Variants in CRADD observed in about 807,000 individuals in gnomAD.
CRADD encodes the protein death domain-containing protein CRADD.
CRADD carries 9 observed loss-of-function variants against 15.5 expected under a neutral mutation model. The observed-to-expected ratio is 0.58, with a 90% CI of 0.35 to 1.01. The LOEUF (loss-of-function observed/expected upper bound fraction) is 1.01. Ranked by LOEUF, CRADD falls within the 50% of genes least tolerant of loss-of-function variation. CRADD has a pLI of 0.02. For synonymous variants in CRADD, 118 were observed against 107.6 expected (o/e 1.10, Z -0.60); for missense variants, 227 against 250.3 (o/e 0.91, Z 0.63).
At chr12:93,792,038 G>C (rs1033486539) in intron 2 of CRADD, among the ~76,000 whole-genome samples, 1 of 151,626 alleles carries the variant, frequency 6.6e-6, no homozygotes, top group Non-Finnish European at 1.5e-5. Flanking sequence ...AGAACTTTAA[G>C]AATAGGAATA....
intron 2 of CRADD, among the ~76,000 whole-genome samples, chr12:93,732,058 C>G (rs947025898): frequency 6.6e-6 from 1 of 151,550 alleles, no homozygotes; most frequent in African/African-American, 2.4e-5. Flanking sequence ...ATCGCTTGAA[C>G]GCAGGAGGTG....
chr12:93,790,208 G>C (rs923351470), intron 2 of CRADD, among the ~76,000 whole-genome samples: 1 of 152,050 alleles, frequency 6.6e-6, no homozygotes, highest in South Asian at 2.1e-4. Flanking sequence ...TGTTTCTCTG[G>C]GTGAAAACAA....
intron 2 of CRADD, among the ~76,000 whole-genome samples, chr12:93,869,477 A>G (rs1958400041): frequency 6.6e-6 from 1 of 152,182 alleles, no homozygotes; most frequent in Non-Finnish European, 1.5e-5. Flanking sequence ...GCATATAAGG[A>G]CTTTAAAATT....
chr12:93,727,778 A>C (rs1008778405), intron 2 of CRADD, among the ~76,000 whole-genome samples: 11 of 152,212 alleles, frequency 7.2e-5, no homozygotes, highest in African/African-American at 2.4e-4. Context: ...CCATGCTGTG[A>C]CATGGAAGGC....
At chr12:93,726,083 T>TATA (rs1956358750) in intron 2 of CRADD, among the ~76,000 whole-genome samples, 2 of 146,630 alleles carry the variant, frequency 1.4e-5, no homozygotes, top group African/African-American at 2.5e-5. Context: ...TGGTGAAGAG[T>TATA]AAATAGTTTA....
chr12:93,724,697 G>T (rs924371198), intron 2 of CRADD, among the ~76,000 whole-genome samples: 11 of 152,110 alleles, frequency 7.2e-5, no homozygotes, highest in Admixed American at 5.2e-4. Flanking sequence ...ACATAATGTA[G>T]ATAATTTGTA....
chr12:93,857,221 T>G (rs1958282556), intron 2 of CRADD, among the ~76,000 whole-genome samples: 1 of 152,336 alleles, frequency 6.6e-6, no homozygotes, highest in African/African-American at 2.4e-5. Flanking sequence ...AGGGCTGTTT[T>G]TGATGTCAAA....
At chr12:93,729,953 C>G (rs1202905297) in intron 2 of CRADD, among the ~76,000 whole-genome samples, 1 of 152,106 alleles carries the variant, frequency 6.6e-6, no homozygotes, top group Middle Eastern at 3.2e-3. Flanking sequence ...ATAAGAGATG[C>G]ATTCTCCACG....
chr12:93,710,759 G>A (rs745981743), intron 2 of CRADD, among the ~76,000 whole-genome samples: 6 of 152,144 alleles, frequency 3.9e-5, no homozygotes, highest in African/African-American at 7.2e-5. Context: ...GGAAGTAAAT[G>A]CCCCTTCTTG....
intron 2 of CRADD, among the ~76,000 whole-genome samples, chr12:93,889,575 A>C (rs565606233): frequency 1.3e-5 from 2 of 151,616 alleles, no homozygotes; most frequent in South Asian, 4.2e-4. Context: ...TGGCCTGTCT[A>C]CCCCCAGCGG....
At chr12:93,753,505 C>T (rs901783525) in intron 2 of CRADD, among the ~76,000 whole-genome samples, 1 of 152,200 alleles carries the variant, frequency 6.6e-6, no homozygotes, top group Non-Finnish European at 1.5e-5. Flanking sequence ...AGGCAAGTCC[C>T]TTCCGCTTAT....
chr12:93,850,673 G>A lies in CRADD; in HGVS notation c.*402G>A, dbSNP rs1958209420. 1 of 981,526 alleles carries A rather than the reference G, an allele frequency of 1.0e-6. No individual in the cohort carries two copies. The highest frequency in any genetic ancestry group is 6.2e-5 in the Admixed American group (1 of 16,250). 60.8% of individuals were successfully genotyped at this position (981,526 alleles called of 1,614,324 possible). A position where few individuals can be genotyped will look rare whatever the true frequency, so the allele number is the denominator to read the frequency against. On this transcript the variant is annotated 3_prime_UTR_variant, in exon 3 of 3. Transcript: ENST00000332896. The surrounding 1 kb of genome is among the most constrained non-coding windows in gnomAD (Gnocchi z 4.0). The stretch of plus-strand genomic sequence containing the variant: ...AACATTTACCTGAATGTTGTCTGAG[G>A]ACTGAACTGTGGACTTTACTATTCA...
intron 2 of CRADD, among the ~76,000 whole-genome samples, chr12:93,771,246 T>G (rs1307607431): frequency 6.6e-6 from 1 of 152,212 alleles, no homozygotes; most frequent in East Asian, 1.9e-4. Context: ...AACATACAGC[T>G]TGCACCTTCA....
At chr12:93,726,982 C>A (rs1956379242) in intron 2 of CRADD, among the ~76,000 whole-genome samples, 1 of 152,218 alleles carries the variant, frequency 6.6e-6, no homozygotes, top group East Asian at 1.9e-4. Flanking sequence ...TAATTACCAT[C>A]TATACTCAGA....
At chr12:93,781,534 A>G (rs1343412112) in intron 2 of CRADD, among the ~76,000 whole-genome samples, 7 of 152,244 alleles carry the variant, frequency 4.6e-5, no homozygotes, top group Non-Finnish European at 5.9e-5. Flanking sequence ...CTAACAGAGA[A>G]TCAGGCTGAC....
chr12:93,826,484 G>C (rs1957825690), intron 2 of CRADD, among the ~76,000 whole-genome samples: 1 of 152,214 alleles, frequency 6.6e-6, no homozygotes, highest in East Asian at 1.9e-4. Context: ...ATTTATAGTT[G>C]TTTTAAACGT....
At chr12:93,738,293 G>A (rs1054065804) in intron 2 of CRADD, 2 of 689,832 alleles carry the variant, frequency 2.9e-6, no homozygotes, top group Admixed American at 2.1e-5. Context: ...ATGAGGACCT[G>A]AAGGAGGCCC....
At chr12:93,754,526 T>G (rs1956866216) in intron 2 of CRADD, among the ~76,000 whole-genome samples, 1 of 152,188 alleles carries the variant, frequency 6.6e-6, no homozygotes, top group African/African-American at 2.4e-5. Flanking sequence ...AATTTCTTCC[T>G]CCAGATATCC....
chr12:93,798,528 TCAGAAA>T (rs1240754876), intron 2 of CRADD, among the ~76,000 whole-genome samples: 1 of 152,136 alleles, frequency 6.6e-6, no homozygotes, highest in Non-Finnish European at 1.5e-5. Context: ...TCATGACCTC[TCAGAAA>T]CAGAGAGGTC....
Sources: allele counts gnomAD v4.1 joint callset (sites outside exome capture counted in the v4.1 genomes callset), GRCh38; gene constraint gnomAD v4.1.1; non-coding constraint Gnocchi (gnomAD v3.1); transcripts MANE v1.5; gene names NCBI Gene and HGNC (gene_info 2026-07-23, HGNC 2026-07-21).